Variants in PARP10 observed in about 807,000 individuals in gnomAD.
The protein encoded by PARP10 is poly(ADP-ribose) polymerase family member 10.
A neutral mutation model predicts 82.4 loss-of-function variants in PARP10; 56 were observed. The observed-to-expected ratio is 0.68, with a 90% CI of 0.55 to 0.85. The LOEUF (loss-of-function observed/expected upper bound fraction) is 0.85, where lower values mean the gene tolerates loss of function less well. Ranked by LOEUF, PARP10 falls within the 40% of genes least tolerant of loss-of-function variation. PARP10 has a pLI of 0.00. For synonymous variants in PARP10, 576 were observed against 601.1 expected (o/e 0.96, Z 0.61); for missense variants, 1,227 against 1,379.4 (o/e 0.89, Z 1.75).
chr8:144,000,587 G>A (rs543631722), intron 1 of PARP10, among the ~76,000 whole-genome samples: 14 of 152,202 alleles, frequency 9.2e-5, no homozygotes, highest in Admixed American at 3.9e-4. Flanking sequence ...CCGAGATCAC[G>A]CCACTGCACT....
intron 1 of PARP10, among the ~76,000 whole-genome samples, chr8:144,007,101 T>C (rs1834241360): frequency 6.6e-6 from 1 of 152,192 alleles, no homozygotes; most frequent in Non-Finnish European, 1.5e-5. Context: ...ACAGAGAAGT[T>C]AGCAAGGCTC....
At chr8:143,991,466 G>C, upstream of PARP10, 1 of 1,499,366 alleles carries the variant, frequency 6.7e-7, no homozygotes, top group South Asian at 1.3e-5. Context: ...GCTACCCACA[G>C]GGCCCCTACC....
At chr8:144,002,744 C>A (rs1266700005) in intron 1 of PARP10, among the ~76,000 whole-genome samples, 1 of 152,102 alleles carries the variant, frequency 6.6e-6, no homozygotes, top group Non-Finnish European at 1.5e-5. Flanking sequence ...CACACGAAAG[C>A]ACTAATTACA....
chr8:143,991,830 T>TC (rs1834102953), upstream of PARP10: 14 of 1,607,484 alleles, frequency 8.7e-6, no homozygotes, highest in Non-Finnish European at 1.2e-5. Context: ...TCCAAGGCGG[T>TC]GGGGGCTGTG....
chr8:144,012,288 G>T, intron 1 of PARP10: 1 of 559,064 alleles, frequency 1.8e-6, no homozygotes, highest in Non-Finnish European at 3.2e-6. Flanking sequence ...GGACATTCCA[G>T]GCCGAGGCAA....
In PARP10 at chr8:143,982,954, C is replaced by T. The variant is rs537594359; in HGVS notation, c.2534G>A (p.Arg845His). ...CACACGAACGACGCGGATGCTGCTG[C>T]GGGCAGCGTCCAGGGTGTCGTAGAA... ...RAFYDTLDAA[R>H]SSIRVVRVER... The change falls in exon 9 of 11, where the codon CGC (arginine) becomes CAC (histidine). Residue 845 changes from arginine (R) to histidine (H), a missense_variant. By Grantham distance (29) the Arg-to-His change is conservative. Coordinates refer to ENST00000313028, the MANE Select transcript of PARP10 (RefSeq NM_032789.5). 15 of 1,613,826 alleles carry T rather than the reference C, an allele frequency of 9.3e-6. No individual in the cohort carries two copies. Among genetic ancestry groups the T allele is most frequent in the South Asian group, 2.2e-5 (2 of 91,088 alleles).
At chr8:143,993,644 A>G (rs782131944), upstream of PARP10, among the ~76,000 whole-genome samples, 5 of 152,146 alleles carry the variant, frequency 3.3e-5, no homozygotes, top group Admixed American at 1.3e-4. Context: ...GGGTACCCCA[A>G]TGGTAAGTGG....
chr8:144,007,996 G>A (rs1448449263), intron 1 of PARP10, among the ~76,000 whole-genome samples: 1 of 152,178 alleles, frequency 6.6e-6, no homozygotes, highest in South Asian at 2.1e-4. Flanking sequence ...GAGAGCAATG[G>A]AGAGGAGTCA....
At chr8:143,991,021 T>G, upstream of PARP10, 2 of 412,570 alleles carry the variant, frequency 4.8e-6, no homozygotes, top group East Asian at 8.2e-5. Flanking sequence ...GCGCCGCCCG[T>G]CCGGTCCTCA....
Position 143,984,545 on chromosome 8 carries a change from C to T in PARP10, c.1457G>A (p.Arg486Gln), listed in dbSNP as rs200970825. The T allele has an allele frequency of 1.6e-5, 26 of 1,606,812 alleles. No homozygotes were observed. The highest frequency in any genetic ancestry group is 2.0e-5 in the Non-Finnish European group (23 of 1,176,618). ...GAGGAGTCCTGAGGGGTCACTCACC[C>T]GAAAGCCAGTCATATCCGGTCCTTC... ...PLEGPDMTGF[R>Q]LCGAQASCQA... Residue 486 changes from arginine (R) to glutamine (Q), a missense_variant and splice_region_variant, in exon 5 of 11, where the codon CGG (arginine) becomes CAG (glutamine). Transcript: ENST00000313028.
At chr8:143,995,604 C>T (rs1371916452), upstream of PARP10, among the ~76,000 whole-genome samples, 2 of 152,034 alleles carry the variant, frequency 1.3e-5, no homozygotes, top group Admixed American at 6.6e-5. Flanking sequence ...GAAGACCAGT[C>T]GCTGACATCT....
rs782199941 is a variant in PARP10, at chr8:143,985,344, A to G, written c.674-16T>C. 2 of 1,595,636 alleles carry G rather than the reference A, an allele frequency of 1.3e-6. No homozygotes were observed. Among genetic ancestry groups the G allele is most frequent in the Admixed American group, 3.5e-5 (2 of 57,082 alleles). The stretch of plus-strand genomic sequence containing the variant: ...CGTTCTGCCACTTGGAGGAAGGGAA[A>G]GGACAGAAAGCCTGTCAGATTTCTG... On this transcript the variant is annotated splice_polypyrimidine_tract_variant and intron_variant, in intron 4 of 10. Coordinates refer to ENST00000313028, the MANE Select transcript of PARP10 (RefSeq NM_032789.5).
Position 143,982,925 on chromosome 8 carries a change from G to T in PARP10, c.2556+7C>A. On this transcript the variant is annotated splice_region_variant and intron_variant, in intron 9 of 10. Transcript: ENST00000313028. ...CATGAGGCCAGAGAGACAGGGCATG[G>T]ACTCACACGAACGACGCGGATGCTG... 6.2e-7 allele frequency: 1 copy of T among 1,613,290 alleles called. No homozygotes were observed. The highest frequency in any genetic ancestry group is 1.1e-5 in the South Asian group (1 of 91,076).
chr8:143,997,905 C>G (rs1474092692), intron 1 of PARP10, among the ~76,000 whole-genome samples: 1 of 151,882 alleles, frequency 6.6e-6, no homozygotes, highest in Non-Finnish European at 1.5e-5. Context: ...TACCTCAGTC[C>G]CCCAAGTAGC....
At chr8:143,996,357 C>T (rs556324986) in intron 1 of PARP10, among the ~76,000 whole-genome samples, 1 of 152,342 alleles carries the variant, frequency 6.6e-6, no homozygotes, top group Admixed American at 6.5e-5. Context: ...TCCAAGTCTC[C>T]ACCCCATTCC....
chr8:143,996,055 G>C (rs569403851), upstream of PARP10, among the ~76,000 whole-genome samples: 1 of 152,140 alleles, frequency 6.6e-6, no homozygotes, highest in Non-Finnish European at 1.5e-5. Flanking sequence ...CCCTCCCCCA[G>C]ATTACTCAAG....
At chr8:143,988,149 C>CT (rs370583415), upstream of PARP10, among the ~76,000 whole-genome samples, 33,505 of 91,574 alleles carry the variant, frequency 0.37, 7,655 homozygotes, top group African/African-American at 0.49. Context: ...CTTACTCTGC[C>CT]TTTTTTTTTT....
chr8:143,977,729 C>G lies in PARP10; in HGVS notation c.2833G>C (p.Val945Leu), dbSNP rs782715308. ...TAGTCGCCAGTCAGCACCCGTGCCA[C>G]GAACACCGCCTTATGGCCATCGGCG... is the stretch of plus-strand genomic sequence containing the variant. ...PNADGHKAVF[V>L]ARVLTGDYGQ... The change falls in exon 11 of 11, where the codon GTG becomes CTG. Residue 945 changes from valine (V) to leucine (L), a missense_variant. Coordinates refer to ENST00000313028, the MANE Select transcript of PARP10 (RefSeq NM_032789.5). The G allele has an allele frequency of 1.2e-6, 2 of 1,600,744 alleles. No homozygotes were observed. The highest frequency in any genetic ancestry group is 1.7e-6 in the Non-Finnish European group (2 of 1,174,550).
chr8:143,999,017 TTCTTTCTTTCTTTCCTTCC>T (rs1554751479), intron 1 of PARP10, among the ~76,000 whole-genome samples: 2 of 150,512 alleles, frequency 1.3e-5, no homozygotes, highest in African/African-American at 4.9e-5. Flanking sequence ...CCTTCCTTCC[TTCTTTCTTTCTTTCCTTCC>T]TTCTTTCTTT....
Sources: allele counts gnomAD v4.1 joint callset (sites outside exome capture counted in the v4.1 genomes callset), GRCh38; gene constraint gnomAD v4.1.1; transcripts MANE v1.5; gene names NCBI Gene and HGNC (gene_info 2026-07-23, HGNC 2026-07-21).